SGCZ: variants seen among roughly 807,000 people sequenced by gnomAD.
SGCZ encodes sarcoglycan zeta.
SGCZ carries 40 observed loss-of-function variants against 41.3 expected under a neutral mutation model. The ratio of observed to expected loss-of-function variants is 0.97; its 90% CI spans 0.75 to 1.26. The LOEUF is 1.26. Ranked by LOEUF, SGCZ falls within the 50% of genes most tolerant of loss-of-function variation. The pLI is 0.00. For missense variants in SGCZ, 552 were observed against 369.8 expected, an observed-to-expected ratio of 1.49 and a Z score of -4.04; for synonymous variants, 206 against 137.5, an observed-to-expected ratio of 1.50 and a Z score of -3.49.
intron 2 of SGCZ, among the ~76,000 whole-genome samples, chr8:14,359,424 T>C (rs1282613879): frequency 6.6e-6 from 1 of 152,134 alleles, no homozygotes; most frequent in African/African-American, 2.4e-5. Flanking sequence ...CTGCAGAATA[T>C]ACATTCTTCT....
intron 3 of SGCZ, among the ~76,000 whole-genome samples, chr8:14,274,684 A>C (rs1186982131): frequency 6.6e-6 from 1 of 152,148 alleles, no homozygotes; most frequent in East Asian, 1.9e-4. Context: ...AGACAACCTC[A>C]AATGTGCCCT....
intron 1 of SGCZ, among the ~76,000 whole-genome samples, chr8:14,648,785 A>C (rs960450287): frequency 6.6e-6 from 1 of 152,008 alleles, no homozygotes; most frequent in African/African-American, 2.4e-5. Flanking sequence ...ATAAACAAAA[A>C]CCAATAATAT....
At chr8:14,515,134 T>C (rs1267849264) in intron 2 of SGCZ, among the ~76,000 whole-genome samples, 1 of 152,018 alleles carries the variant, frequency 6.6e-6, no homozygotes, top group Non-Finnish European at 1.5e-5. Flanking sequence ...TTAAGACACC[T>C]GATTCTGCTC....
chr8:14,702,731 T>TA (rs149417372), intron 1 of SGCZ, among the ~76,000 whole-genome samples: 5,839 of 91,224 alleles, frequency 0.064, 285 homozygotes, highest in African/African-American at 0.15. Context: ...CTGGCTTCAA[T>TA]GATAGATAGA....
intron 2 of SGCZ, among the ~76,000 whole-genome samples, chr8:14,367,462 C>T (rs1218111667): frequency 6.6e-6 from 1 of 152,020 alleles, no homozygotes; most frequent in East Asian, 1.9e-4. Flanking sequence ...TACCAATTTA[C>T]TTTATCAGTC....
intron 1 of SGCZ, among the ~76,000 whole-genome samples, chr8:15,106,212 C>G (rs1806819852): frequency 6.6e-6 from 1 of 152,002 alleles, no homozygotes; most frequent in South Asian, 2.1e-4. Flanking sequence ...ATGTGTTGTA[C>G]ATAGCATTAA....
At chr8:15,007,859 C>T (rs1802660565) in intron 1 of SGCZ, among the ~76,000 whole-genome samples, 1 of 152,096 alleles carries the variant, frequency 6.6e-6, no homozygotes, top group African/African-American at 2.4e-5. Context: ...CATATGAGAA[C>T]TATGTCAGAT....
At chr8:14,293,902 A>T (rs1366937248) in intron 3 of SGCZ, among the ~76,000 whole-genome samples, 1 of 151,948 alleles carries the variant, frequency 6.6e-6, no homozygotes, top group East Asian at 1.9e-4. Context: ...TAAAATATTT[A>T]TTTTAATAAA....
intron 5 of SGCZ, among the ~76,000 whole-genome samples, chr8:14,146,881 A>AT (rs922386322): frequency 7.2e-6 from 1 of 139,698 alleles, no homozygotes; most frequent in African/African-American, 3.0e-5. Flanking sequence ...CAAAAAATAA[A>AT]AATAAAAAAA....
At chr8:15,138,345 C>A (rs376249019) in intron 1 of SGCZ, among the ~76,000 whole-genome samples, 1 of 151,978 alleles carries the variant, frequency 6.6e-6, no homozygotes, top group South Asian at 2.1e-4. Flanking sequence ...TGAGTTAATG[C>A]AGGGATGAGT....
At chr8:15,192,485 T>A (rs13257462) in intron 1 of SGCZ, among the ~76,000 whole-genome samples, 1 of 151,942 alleles carries the variant, frequency 6.6e-6, no homozygotes, top group Non-Finnish European at 1.5e-5. Flanking sequence ...TATTTTCTAG[T>A]CATTGTAACT....
At chr8:14,530,055 G>C (rs1420384289) in intron 2 of SGCZ, among the ~76,000 whole-genome samples, 1 of 151,910 alleles carries the variant, frequency 6.6e-6, no homozygotes, top group Non-Finnish European at 1.5e-5. Flanking sequence ...TCCTTAATCT[G>C]CCAAATCCTT....
At chr8:14,136,666 G>T (rs1360977339) in intron 5 of SGCZ, among the ~76,000 whole-genome samples, 1 of 152,154 alleles carries the variant, frequency 6.6e-6, no homozygotes, top group East Asian at 1.9e-4. Context: ...ACTGGATGCA[G>T]CCCACCACAG....
At chr8:14,645,905 G>A (rs1476343234) in intron 1 of SGCZ, among the ~76,000 whole-genome samples, 1 of 149,052 alleles carries the variant, frequency 6.7e-6, no homozygotes, top group Non-Finnish European at 1.5e-5. Context: ...TGTACCTCAT[G>A]ATATTTTAAT....
chr8:15,143,017 A>G (rs1480970202), intron 1 of SGCZ, among the ~76,000 whole-genome samples: 2 of 152,238 alleles, frequency 1.3e-5, no homozygotes, highest in African/African-American at 4.8e-5. Flanking sequence ...GTACTGTCCT[A>G]GAGTATTTCA....
intron 1 of SGCZ, among the ~76,000 whole-genome samples, chr8:14,586,396 T>C (rs1258053421): frequency 1.3e-5 from 2 of 152,124 alleles, no homozygotes; most frequent in Non-Finnish European, 2.9e-5. Flanking sequence ...GTGTTTTTAA[T>C]AGAGACAGGG....
At chr8:15,208,320 C>G (rs981143122) in intron 1 of SGCZ, among the ~76,000 whole-genome samples, 1 of 152,100 alleles carries the variant, frequency 6.6e-6, no homozygotes, top group Non-Finnish European at 1.5e-5. Context: ...TCATCAATGA[C>G]GGGTATGATT....
At chr8:14,469,768 A>G (rs1186204401) in intron 2 of SGCZ, among the ~76,000 whole-genome samples, 1 of 152,176 alleles carries the variant, frequency 6.6e-6, no homozygotes, top group African/African-American at 2.4e-5. Context: ...TCGTGTCTAC[A>G]TAATAAAGCC....
At position 14,657,514 on chromosome 8, in the gene SGCZ, G is replaced by GA. The variant is rs1343736884; in HGVS notation, c.40-102589dup. On this transcript the variant is annotated intron_variant, in intron 1 of 7. Coordinates refer to ENST00000382080, the MANE Select transcript of SGCZ (RefSeq NM_139167.4). ...CCATGAAGCTATAATTAAAAGCAAA[G>GA]AAAAAAATCATTTAATTATTCAAAT... Among the ~76,000 whole-genome samples the GA allele has an allele frequency of 7.9e-5, 12 of 152,038 alleles. No homozygotes were observed. The South Asian group carries it at 2.5e-3, about 32-fold the overall frequency.
Sources: allele counts gnomAD v4.1 joint callset (sites outside exome capture counted in the v4.1 genomes callset), GRCh38; gene constraint gnomAD v4.1.1; transcripts MANE v1.5; gene names NCBI Gene and HGNC (gene_info 2026-07-23, HGNC 2026-07-21).